LRRC40: variants seen among roughly 807,000 people sequenced by gnomAD.
The protein encoded by LRRC40 is leucine rich repeat containing 40, also known as leucine-rich repeat-containing protein 40.
LRRC40 carries 76 observed loss-of-function variants against 72.8 expected under a neutral mutation model. That is an observed-to-expected ratio of 1.04 (90% CI 0.87 to 1.26). The LOEUF (loss-of-function observed/expected upper bound fraction) is 1.26. Among genes scored for constraint, LRRC40 ranks in the 50% most tolerant of loss-of-function variants. LRRC40 has a pLI of 0.00. For missense variants in LRRC40, 684 were observed against 698.9 expected, an observed-to-expected ratio of 0.98 and a Z score of 0.24; for synonymous variants, 243 against 254.2, an observed-to-expected ratio of 0.96 and a Z score of 0.42.
intron 12 of LRRC40, 105 bp downstream of exon 12, chr1:70,152,328 T>TTCC: frequency 1.6e-6 from 1 of 627,326 alleles, no homozygotes; most frequent in Non-Finnish European, 2.8e-6. Flanking sequence ...AAAGGCCAGT[T>TTCC]TCCATACATA....
chr1:70,151,235 C>A (rs201377481), intron 12 of LRRC40, 30 bp from the exon 13 acceptor site: 1 of 1,097,746 alleles, frequency 9.1e-7, no homozygotes, highest in African/African-American at 1.6e-5. Flanking sequence ...AGAAGATTTA[C>A]AAAGTTTGAA....
chr1:70,204,593 C>T (rs1668857945), intron 1 of LRRC40, among the ~76,000 whole-genome samples: 1 of 152,100 alleles, frequency 6.6e-6, no homozygotes, highest in Non-Finnish European at 1.5e-5. Flanking sequence ...CTACTTTATA[C>T]ATGTCACAAT....
chr1:70,205,157 T>C (rs1438754291), intron 1 of LRRC40, among the ~76,000 whole-genome samples: 1 of 152,206 alleles, frequency 6.6e-6, no homozygotes, highest in Non-Finnish European at 1.5e-5. Context: ...CCCGTTTAAA[T>C]TTAGACCGTA....
chr1:70,189,446 G>C (rs1004774088), intron 1 of LRRC40, among the ~76,000 whole-genome samples, 173 bp from the exon 2 acceptor site: 1 of 152,008 alleles, frequency 6.6e-6, no homozygotes, highest in African/African-American at 2.4e-5. Context: ...AGTGAAAGTT[G>C]ATTTTATTTA....
intron 11 of LRRC40, among the ~76,000 whole-genome samples, chr1:70,155,479 T>A (rs1262856365): frequency 6.6e-6 from 1 of 152,106 alleles, no homozygotes; most frequent in Non-Finnish European, 1.5e-5. Flanking sequence ...CAAATTTTTT[T>A]AAAACCTCTA....
At chr1:70,176,023 AT>A in intron 6 of LRRC40, 41 bp from the exon 7 acceptor site, 1 of 1,230,510 alleles carries the variant, frequency 8.1e-7, no homozygotes, top group Non-Finnish European at 1.1e-6. Context: ...TCTGTATTCA[AT>A]TTTATAGTAG....
intron 1 of LRRC40, among the ~76,000 whole-genome samples, chr1:70,196,199 A>G (rs1668606748): frequency 6.6e-6 from 1 of 152,328 alleles, no homozygotes; most frequent in South Asian, 2.1e-4. Context: ...GTCCATCAAC[A>G]GACTAATGGA....
In LRRC40 at chr1:70,180,985, TCTA is replaced by T. The variant is rs899002995; in HGVS notation, c.661+98_661+100del. On this transcript the variant is annotated intron_variant, in intron 5 of 14. Transcript: ENST00000370952. The stretch of plus-strand genomic sequence containing the variant: ...TTGTTTGCATTTACCACTATAAAAA[TCTA>T]CTACTTTAGTTCTCTGTAACTATAT... 1.3e-5 allele frequency: 11 copies of T among 833,530 alleles called. No individual in the cohort carries two copies. The Admixed American group carries it at 3.1e-4, about 23-fold the overall frequency. 51.6% of individuals were successfully genotyped at this position (833,530 alleles called of 1,614,324 possible).
At chr1:70,163,801 T>G (rs1461055674) in intron 9 of LRRC40, among the ~76,000 whole-genome samples, 1 of 152,196 alleles carries the variant, frequency 6.6e-6, no homozygotes, top group Non-Finnish European at 1.5e-5. Context: ...GTGATAGAGC[T>G]TGAATAAAGG....
At chr1:70,174,065 G>A (rs2100289039) in intron 7 of LRRC40, among the ~76,000 whole-genome samples, 1 of 152,006 alleles carries the variant, frequency 6.6e-6, no homozygotes, top group Non-Finnish European at 1.5e-5. Flanking sequence ...TGCACTTAGA[G>A]CAAGGAAACA....
chr1:70,148,704 A>G (rs188104989), intron 13 of LRRC40, 32 bp from the exon 14 acceptor site: 3 of 1,367,346 alleles, frequency 2.2e-6, no homozygotes, highest in Non-Finnish European at 2.0e-6. Context: ...ACCTAAATAT[A>G]CTGGAATCAG....
At chr1:70,190,019 G>A (rs1387131148) in intron 1 of LRRC40, among the ~76,000 whole-genome samples, 1 of 152,188 alleles carries the variant, frequency 6.6e-6, no homozygotes, top group Non-Finnish European at 1.5e-5. Flanking sequence ...TGCTATTGCA[G>A]CAAGTGATGA....
At chr1:70,170,837 G>A (rs1202333023) in intron 9 of LRRC40, among the ~76,000 whole-genome samples, 1 of 152,076 alleles carries the variant, frequency 6.6e-6, no homozygotes, top group Non-Finnish European at 1.5e-5. Context: ...AAATTCACAA[G>A]TTAATTCTAA....
At chr1:70,146,832 G>T (rs1667313043) in intron 14 of LRRC40, among the ~76,000 whole-genome samples, 1 of 152,044 alleles carries the variant, frequency 6.6e-6, no homozygotes, top group Non-Finnish European at 1.5e-5. Flanking sequence ...TTCAACTTAA[G>T]ATTTAAGAGC....
intron 5 of LRRC40, among the ~76,000 whole-genome samples, chr1:70,179,237 T>C (rs186874088): frequency 5.7e-4 from 87 of 152,228 alleles, no homozygotes; most frequent in African/African-American, 2.1e-3. Flanking sequence ...TGCCAGCACT[T>C]TGGGAGGCCC....
At chr1:70,165,182 A>G (rs528340947) in intron 9 of LRRC40, among the ~76,000 whole-genome samples, 2 of 152,370 alleles carry the variant, frequency 1.3e-5, no homozygotes, top group East Asian at 3.9e-4. Context: ...TTCAAAAATA[A>G]TAACAATTTC....
intron 11 of LRRC40, 113 bp downstream of exon 11, chr1:70,155,576 T>G: frequency 2.3e-6 from 1 of 432,802 alleles, no homozygotes; most frequent in East Asian, 3.5e-5. Flanking sequence ...ATGTAAAAAT[T>G]TTTACATATA....
intron 14 of LRRC40, among the ~76,000 whole-genome samples, chr1:70,147,482 A>C (rs910689593): frequency 6.6e-6 from 1 of 152,188 alleles, no homozygotes; most frequent in Non-Finnish European, 1.5e-5. Flanking sequence ...AGTAATATTA[A>C]ATGAAGTATC....
chr1:70,147,187 T>C (rs998878095), intron 14 of LRRC40: 1 of 152,216 alleles, frequency 6.6e-6, no homozygotes, highest in African/African-American at 2.4e-5. Flanking sequence ...CCCACGGGCA[T>C]GTTCCCAGGT....
Sources: gnomAD v4.1 joint callset for allele counts (sites outside exome capture counted in the v4.1 genomes callset) on GRCh38, gnomAD v4.1.1 for gene constraint, MANE v1.5 for transcripts, NCBI Gene and HGNC (gene_info 2026-07-23, HGNC 2026-07-21) for gene names.